The following ALX4 variants were observed in gnomAD, a reference collection of about 807,000 sequenced individuals.
ALX4 encodes the protein homeobox protein aristaless-like 4.
In ALX4, 22 loss-of-function variants were observed where a neutral mutation model predicts 40.6. The ratio of observed to expected loss-of-function variants is 0.54; its 90% CI spans 0.39 to 0.77. ALX4 has a LOEUF of 0.77. Ranked by LOEUF, ALX4 falls within the 30% of genes least tolerant of loss-of-function variation. The pLI, the probability that ALX4 is intolerant of heterozygous loss-of-function variation, is 0.00. For missense variants in ALX4, 556 were observed against 564.8 expected, an observed-to-expected ratio of 0.98 and a Z score of 0.16; for synonymous variants, 266 against 240.5, an observed-to-expected ratio of 1.11 and a Z score of -0.98.
At chr11:44,284,266 A>G (rs894937319) in intron 1 of ALX4, among the ~76,000 whole-genome samples, 2 of 152,040 alleles carry the variant, frequency 1.3e-5, no homozygotes, top group African/African-American at 4.8e-5. Flanking sequence ...TTGTTTTCCC[A>G]GGAACAGGTT....
intron 2 of ALX4, among the ~76,000 whole-genome samples, chr11:44,271,798 T>C (rs2135310811): frequency 6.6e-6 from 1 of 152,348 alleles, no homozygotes; most frequent in African/African-American, 2.4e-5. Context: ...TTTTCATGTT[T>C]TGTACTCAAG....
At chr11:44,265,332 A>G (rs1956207333) in intron 3 of ALX4, 149 bp from the exon 4 acceptor site, 8 of 798,222 alleles carry the variant, frequency 1.0e-5, no homozygotes, top group Non-Finnish European at 1.4e-5. Flanking sequence ...ACATCCAGAT[A>G]CCCCTGTGGG....
chr11:44,309,277 C>G (rs565906935), intron 1 of ALX4, among the ~76,000 whole-genome samples: 2 of 149,300 alleles, frequency 1.3e-5, no homozygotes, highest in East Asian at 2.0e-4. Flanking sequence ...CGCCCTGGGC[C>G]GGTAAGAAGC....
At chr11:44,298,355 T>C (rs1869481) in intron 1 of ALX4, among the ~76,000 whole-genome samples, 82,420 of 152,006 alleles carry the variant, frequency 0.54, 22,660 homozygotes, top group South Asian at 0.79. Context: ...CCGGATGCCC[T>C]GCTGGGAACC....
chr11:44,283,140 G>C (rs920710278), intron 1 of ALX4, among the ~76,000 whole-genome samples: 9 of 151,920 alleles, frequency 5.9e-5, no homozygotes, highest in Admixed American at 2.6e-4. Context: ...CCAGCTACTT[G>C]GGAGGGTGAG....
intron 2 of ALX4, among the ~76,000 whole-genome samples, chr11:44,273,661 C>A (rs1167548012): frequency 6.6e-6 from 1 of 152,030 alleles, no homozygotes. Flanking sequence ...GTAAAGAAGA[C>A]AAAATAGGAG....
chr11:44,304,709 G>A (rs1565011298), intron 1 of ALX4, among the ~76,000 whole-genome samples: 1 of 152,224 alleles, frequency 6.6e-6, no homozygotes, highest in Non-Finnish European at 1.5e-5. Context: ...AAACAAAGCT[G>A]CGCGCGGCTG....
At chr11:44,278,129 C>G (rs746319403) in intron 1 of ALX4, among the ~76,000 whole-genome samples, 1 of 151,690 alleles carries the variant, frequency 6.6e-6, no homozygotes, top group Admixed American at 6.6e-5. Context: ...GCCCTGAGCT[C>G]TGATCCCCAG....
intron 1 of ALX4, among the ~76,000 whole-genome samples, chr11:44,281,677 G>A (rs1366833501): frequency 2.0e-5 from 3 of 152,208 alleles, no homozygotes; most frequent in Middle Eastern, 3.4e-3. Flanking sequence ...AAACGGTCCT[G>A]TGGGGGTGAG....
rs72907827 is a variant in ALX4 at position 44,289,591 on chromosome 11, G to A, written c.467-13933C>T. 4.0e-3 allele frequency among the ~76,000 whole-genome samples: 611 copies of A among 152,334 alleles called. 2 individuals carry two copies. The highest frequency in any genetic ancestry group is 6.7e-3 in the Non-Finnish European group (457 of 68,034). ...GGTGATGAGTTATCTTTCTAACATGGAGGGGTCAGGCAGGCTTCATTTTGT... is the reference window on the plus strand; with the variant it reads ...GGTGATGAGTTATCTTTCTAACATGAAGGGGTCAGGCAGGCTTCATTTTGT... On this transcript the variant is annotated intron_variant, in intron 1 of 3. Transcript: ENST00000652299.
rs950565213 is a variant in ALX4 at position 44,260,452 on chromosome 11, GAGA to G, written c.*4399_*4401del. On this transcript the variant is annotated 3_prime_UTR_variant, in exon 4 of 4. Transcript: ENST00000652299. ...ACAGATTCCAGTTGAGAGGAGGAAG[GAGA>G]AGGAGTTTATTGCAAATAACAACAA... The G allele has an allele frequency of 3.9e-5, 6 of 152,186 alleles. No homozygotes were observed. The highest frequency in any genetic ancestry group is 7.2e-5 in the African/African-American group (3 of 41,416). 9.4% of individuals were successfully genotyped at this position (152,186 alleles called of 1,614,324 possible).
Position 44,261,234 on chromosome 11 carries a change from T to C in ALX4, c.*3620A>G, listed in dbSNP as rs949344500. 1 of 152,238 alleles carries C rather than the reference T, an allele frequency of 6.6e-6. No homozygotes were observed. Among genetic ancestry groups the C allele is most frequent in the African/African-American group, 2.4e-5 (1 of 41,432 alleles). 9.4% of individuals were successfully genotyped at this position (152,238 alleles called of 1,614,324 possible). On this transcript the variant is annotated 3_prime_UTR_variant, in exon 4 of 4. Coordinates refer to ENST00000652299, the MANE Select transcript of ALX4 (RefSeq NM_021926.4). ...GAACCCCCGCGTGTCTTTCAGGTTC[T>C]CGAAGATGGCCCCCCACTGTCTAGC...
intron 1 of ALX4, among the ~76,000 whole-genome samples, chr11:44,294,076 A>G (rs1441896212): frequency 6.6e-6 from 1 of 152,242 alleles, no homozygotes; most frequent in Non-Finnish European, 1.5e-5. Context: ...GCATGAGGGC[A>G]TCCAGGCAGT....
At chr11:44,267,368 G>C in intron 3 of ALX4, 126 bp downstream of exon 3, 1 of 1,288,366 alleles carries the variant, frequency 7.8e-7, no homozygotes, top group Non-Finnish European at 1.1e-6. Context: ...CACACCCCTG[G>C]AATGAGACGG....
At chr11:44,296,546 C>T (rs753955785) in intron 1 of ALX4, among the ~76,000 whole-genome samples, 2 of 152,154 alleles carry the variant, frequency 1.3e-5, no homozygotes, top group South Asian at 2.1e-4. Flanking sequence ...AAGAAATATT[C>T]GCAAATCATG....
chr11:44,302,390 G>C (rs2119894059), intron 1 of ALX4, among the ~76,000 whole-genome samples: 1 of 152,334 alleles, frequency 6.6e-6, no homozygotes, highest in African/African-American at 2.4e-5. Flanking sequence ...ACCTAAGCTG[G>C]CTCCTGGGTG....
intron 1 of ALX4, among the ~76,000 whole-genome samples, chr11:44,283,472 G>A (rs965784080): frequency 6.6e-6 from 1 of 152,188 alleles, no homozygotes; most frequent in Non-Finnish European, 1.5e-5. Flanking sequence ...TAGGAAAACC[G>A]ACAGTAATCA....
At chr11:44,271,157 A>T (rs370454201) in intron 2 of ALX4, among the ~76,000 whole-genome samples, 21 of 124,978 alleles carry the variant, frequency 1.7e-4, no homozygotes, top group African/African-American at 5.7e-4. Context: ...CCACCCCCTT[A>T]CCCCCCCAGG....
intron 1 of ALX4, among the ~76,000 whole-genome samples, chr11:44,277,543 C>G (rs1180719670): frequency 2.0e-5 from 3 of 152,174 alleles, no homozygotes; most frequent in Non-Finnish European, 4.4e-5. Flanking sequence ...GCCACTCTGA[C>G]CCGCGGTTTC....
Sources: gnomAD v4.1 joint callset for allele counts (sites outside exome capture counted in the v4.1 genomes callset) on GRCh38, gnomAD v4.1.1 for gene constraint, MANE v1.5 for transcripts, NCBI Gene and HGNC (gene_info 2026-07-23, HGNC 2026-07-21) for gene names.